TOR1AIP1: variants seen among roughly 807,000 people sequenced by gnomAD.
TOR1AIP1 encodes the protein torsin 1A interacting protein 1.
In TOR1AIP1, 54 loss-of-function variants were observed where a neutral mutation model predicts 63.3. The ratio of observed to expected loss-of-function variants is 0.85; its 90% CI spans 0.69 to 1.07. TOR1AIP1 has a LOEUF of 1.07. Among genes scored for constraint, TOR1AIP1 ranks in the 50% least tolerant of loss-of-function variants. The pLI, the probability that TOR1AIP1 is intolerant of heterozygous loss-of-function variation, is 0.00. For missense variants in TOR1AIP1, 736 were observed against 715.0 expected, an observed-to-expected ratio of 1.03 and a Z score of -0.33; for synonymous variants, 294 against 273.5, an observed-to-expected ratio of 1.07 and a Z score of -0.74.
In TOR1AIP1 at chr1:179,918,232, G is replaced by C. The variant is rs748171054; in HGVS notation, c.1745G>C (p.Cys582Ser). ...GAAAATGCCCTGAAAAGGGGCATCT[G>C]CTTATAAGAAGTGAGAGAGAAGAAA... is the stretch of plus-strand genomic sequence containing the variant. ...QPENALKRGI[C>S]L Residue 582 changes from cysteine to serine, a missense_variant, in exon 10 of 10, where the codon TGC becomes TCC. Physicochemically the swap from Cys to Ser is moderately radical, Grantham distance 112. Coordinates refer to ENST00000606911, the MANE Select transcript of TOR1AIP1 (RefSeq NM_015602.4). The C allele has an allele frequency of 9.5e-6, 15 of 1,586,606 alleles. No homozygotes were observed. The highest frequency in any genetic ancestry group is 9.4e-6 in the Non-Finnish European group (11 of 1,173,914).
chr1:179,919,871 CAG>C lies in TOR1AIP1; in HGVS notation c.*1635_*1636del, dbSNP rs1435412873. On this transcript the variant is annotated 3_prime_UTR_variant, in exon 10 of 10. Transcript: ENST00000606911. ...CTGATTTATAGAGGATTATGAAAAC[CAG>C]AGTTTTTGAAAAGGCTTATTTTATA... The C allele has an allele frequency of 6.6e-6, 1 of 152,034 alleles. No homozygotes were observed. Among genetic ancestry groups the C allele is most frequent in the African/African-American group, 2.4e-5 (1 of 41,382 alleles). 9.4% of individuals were successfully genotyped at this position (152,034 alleles called of 1,614,324 possible). A position where few individuals can be genotyped will look rare whatever the true frequency, so the allele number is the denominator to read the frequency against.
At chr1:179,900,368 T>C (rs932179034) in intron 4 of TOR1AIP1, 6 of 365,314 alleles carry the variant, frequency 1.6e-5, no homozygotes, top group Non-Finnish European at 2.1e-5. Context: ...ACTATGCCGA[T>C]CAGGTGTCTG....
chr1:179,909,997 C>T (rs1196531148), intron 8 of TOR1AIP1, among the ~76,000 whole-genome samples: 1 of 152,212 alleles, frequency 6.6e-6, no homozygotes, highest in African/African-American at 2.4e-5. Context: ...CTGCTGACCT[C>T]AAGTGATCCG....
At chr1:179,886,011 G>T (rs1647899772) in intron 2 of TOR1AIP1, among the ~76,000 whole-genome samples, 1 of 152,180 alleles carries the variant, frequency 6.6e-6, no homozygotes, top group Non-Finnish European at 1.5e-5. Context: ...AAAGTGCTGG[G>T]ATTATAGGCA....
chr1:179,884,881 A>G (rs1647868642), intron 2 of TOR1AIP1, 112 bp downstream of exon 2: 1 of 717,434 alleles, frequency 1.4e-6, no homozygotes, highest in East Asian at 3.0e-5. Context: ...ACACGTGAGT[A>G]CTCAAGAGTA....
At chr1:179,915,645 C>T (rs1055075654) in intron 9 of TOR1AIP1, among the ~76,000 whole-genome samples, 1 of 152,134 alleles carries the variant, frequency 6.6e-6, no homozygotes, top group Non-Finnish European at 1.5e-5. Context: ...GTAATCCCAG[C>T]TACTTAGGAG....
chr1:179,890,678 G>A (rs182287823), intron 3 of TOR1AIP1, among the ~76,000 whole-genome samples: 14 of 151,872 alleles, frequency 9.2e-5, no homozygotes, highest in Middle Eastern at 3.4e-3. Context: ...GCTCACTGCA[G>A]CCTCCTCCTC....
intron 3 of TOR1AIP1, among the ~76,000 whole-genome samples, chr1:179,892,496 G>A (rs993601768): frequency 2.6e-5 from 4 of 151,048 alleles, no homozygotes; most frequent in African/African-American, 7.3e-5. Context: ...AAACTTCTTT[G>A]GGAGGCCAAG....
At chr1:179,905,623 A>G (rs1246230620) in intron 6 of TOR1AIP1, among the ~76,000 whole-genome samples, 2 of 152,146 alleles carry the variant, frequency 1.3e-5, no homozygotes, top group African/African-American at 4.8e-5. Flanking sequence ...TCTTAAATGT[A>G]TCTACCCGTA....
chr1:179,894,325 A>G (rs1344101529), intron 3 of TOR1AIP1, among the ~76,000 whole-genome samples: 3 of 151,906 alleles, frequency 2.0e-5, no homozygotes, highest in Non-Finnish European at 4.4e-5. Context: ...TAAATTCAGG[A>G]GTTATATACT....
rs1422964083 is a variant in TOR1AIP1, at chr1:179,882,577, C to T, written c.75C>T (p.Ile25=). ...WGVYVTPRAP[I]REGRGRLAPQ... ...TGTACGTCACCCCCAGGGCCCCCATCCGAGAGGGAAGGGGCCGGCTCGCCC... is the reference window on the plus strand; with the variant it reads ...TGTACGTCACCCCCAGGGCCCCCATTCGAGAGGGAAGGGGCCGGCTCGCCC... The change falls in exon 1 of 10, where the codon ATC becomes ATT. Residue 25 remains isoleucine (I), a synonymous_variant. Coordinates refer to ENST00000606911, the MANE Select transcript of TOR1AIP1 (RefSeq NM_015602.4). 6.6e-7 allele frequency: 1 copy of T among 1,519,096 alleles called. No individual in the cohort carries two copies. The highest frequency in any genetic ancestry group is 1.4e-5 in the African/African-American group (1 of 71,596). 94.1% of individuals were successfully genotyped at this position (1,519,096 alleles called of 1,614,324 possible).
chr1:179,882,451 C>T lies in TOR1AIP1; in HGVS notation c.-52C>T, dbSNP rs190919303. The T allele has an allele frequency of 1.1e-4, 158 of 1,391,048 alleles. No individual in the cohort carries two copies. Among genetic ancestry groups the T allele is most frequent in the African/African-American group, 4.0e-4 (27 of 67,766 alleles). 86.2% of individuals were successfully genotyped at this position (1,391,048 alleles called of 1,614,324 possible). ...GCCATCGCCACCACCGGCAGGAGAA[C>T]CTAGGGTCCATAAAGCCATCTTCGC... On this transcript the variant is annotated 5_prime_UTR_variant, in exon 1 of 10. Coordinates refer to ENST00000606911, the MANE Select transcript of TOR1AIP1 (RefSeq NM_015602.4).
chr1:179,916,489 T>G (rs142021214), intron 9 of TOR1AIP1, among the ~76,000 whole-genome samples: 1 of 151,966 alleles, frequency 6.6e-6, no homozygotes, highest in Admixed American at 6.6e-5. Context: ...ATAAATGAAG[T>G]AGAATATGAG....
At chr1:179,891,807 C>T (rs2148472921) in intron 3 of TOR1AIP1, among the ~76,000 whole-genome samples, 1 of 152,210 alleles carries the variant, frequency 6.6e-6, no homozygotes, top group South Asian at 2.1e-4. Context: ...CTCAAGCAAT[C>T]CACCTGCCTC....
intron 3 of TOR1AIP1, among the ~76,000 whole-genome samples, chr1:179,897,501 G>A (rs1208472502): frequency 6.6e-6 from 1 of 152,092 alleles, no homozygotes; most frequent in Non-Finnish European, 1.5e-5. Flanking sequence ...ATCGAAAAAA[G>A]GGATTACTGT....
chr1:179,913,122 GTTTTTAATTTTTTTTTT>G, intron 8 of TOR1AIP1, among the ~76,000 whole-genome samples: 1 of 148,948 alleles, frequency 6.7e-6, no homozygotes, highest in Non-Finnish European at 1.5e-5. Context: ...TTCTTTTCTT[GTTTTTAATTTTTTTTTT>G]TTTTTTTAGA....
chr1:179,898,792 AAAAG>A (rs1226410862), intron 3 of TOR1AIP1, among the ~76,000 whole-genome samples: 2 of 152,156 alleles, frequency 1.3e-5, no homozygotes, highest in African/African-American at 4.8e-5. Flanking sequence ...AAAAAAGAGA[AAAAG>A]AAAGGACAGT....
In TOR1AIP1 at chr1:179,916,700, C is replaced by CTTTT. The variant is rs3029850; in HGVS notation, c.965-734_965-731dup. 5.7e-3 allele frequency among the ~76,000 whole-genome samples: 540 copies of CTTTT among 95,118 alleles called. 6 individuals are homozygous for CTTTT. The highest frequency in any genetic ancestry group is 8.1e-3 in the East Asian group (25 of 3,076). The allele number at this position is 95,118 out of a possible 152,430, so 62.4% of individuals were successfully genotyped here. ...ATGTTCATTTATATTGCATCCTTTTCTTTTTTTTTTTTTTTTTTTTTGAGA... is the reference window on the plus strand; with the variant it reads ...ATGTTCATTTATATTGCATCCTTTTCTTTTTTTTTTTTTTTTTTTTTTTTTGAGA... On this transcript the variant is annotated intron_variant, in intron 9 of 9. Transcript: ENST00000606911.
intron 8 of TOR1AIP1, among the ~76,000 whole-genome samples, chr1:179,908,956 G>A (rs1027753790): frequency 1.3e-5 from 2 of 152,174 alleles, no homozygotes; most frequent in African/African-American, 4.8e-5. Flanking sequence ...ACGAGGTCAG[G>A]AGATCGAGAC....
Sources: allele counts gnomAD v4.1 joint callset (sites outside exome capture counted in the v4.1 genomes callset), GRCh38; gene constraint gnomAD v4.1.1; transcripts MANE v1.5; gene names NCBI Gene and HGNC (gene_info 2026-07-23, HGNC 2026-07-21).